Variants in DYM observed in about 807,000 individuals in gnomAD.
The protein encoded by DYM is dyggve-Melchior-Clausen syndrome protein.
DYM carries 78 observed loss-of-function variants against 93.1 expected under a neutral mutation model. That is an observed-to-expected ratio of 0.84 (90% CI 0.70 to 1.01). DYM has a LOEUF of 1.01. Among genes scored for constraint, DYM ranks in the 50% least tolerant of loss-of-function variants. The pLI is 0.00. For synonymous variants in DYM, 321 were observed against 319.7 expected (o/e 1.00, Z -0.04); for missense variants, 789 against 845.0 (o/e 0.93, Z 0.82).
intron 8 of DYM, among the ~76,000 whole-genome samples, chr18:49,323,735 C>G (rs1196398267): frequency 6.6e-6 from 1 of 152,222 alleles, no homozygotes; most frequent in Non-Finnish European, 1.5e-5. Flanking sequence ...GTTCAAGACA[C>G]CCAGCCTACG....
At chr18:49,369,015 C>T (rs749869634) in intron 5 of DYM, among the ~76,000 whole-genome samples, 1 of 152,240 alleles carries the variant, frequency 6.6e-6, no homozygotes. Flanking sequence ...TGACTGAAAG[C>T]GCGGTGTGCA....
At chr18:49,240,124 T>C (rs2093975344) in intron 13 of DYM, among the ~76,000 whole-genome samples, 1 of 152,218 alleles carries the variant, frequency 6.6e-6, no homozygotes, top group South Asian at 2.1e-4. Context: ...TAGTTAAATA[T>C]TGATTATACT....
intron 14 of DYM, among the ~76,000 whole-genome samples, chr18:49,205,154 G>T (rs891112034): frequency 6.6e-6 from 1 of 152,074 alleles, no homozygotes; most frequent in Non-Finnish European, 1.5e-5. Flanking sequence ...TAGAGACAGG[G>T]TTTCACCATG....
intron 11 of DYM, among the ~76,000 whole-genome samples, chr18:49,265,612 C>T (rs1171717706): frequency 1.3e-5 from 2 of 151,936 alleles, no homozygotes; most frequent in Admixed American, 6.6e-5. Context: ...AACCCTGTCT[C>T]TACTTAAAAT....
chr18:49,319,066 A>T (rs2062257361), intron 8 of DYM, among the ~76,000 whole-genome samples: 2 of 152,084 alleles, frequency 1.3e-5, no homozygotes, highest in African/African-American at 4.8e-5. Flanking sequence ...CGGCCTCCCA[A>T]AGTGCTGGGA....
chr18:49,275,703 C>CCTATAT (rs2094832500), intron 10 of DYM, among the ~76,000 whole-genome samples: 1 of 151,866 alleles, frequency 6.6e-6, no homozygotes, highest in Admixed American at 6.6e-5. Flanking sequence ...ATAGCAAGAC[C>CCTATAT]CTATCTCTAT....
chr18:49,267,900 C>T (rs979407023), intron 11 of DYM, among the ~76,000 whole-genome samples: 4 of 151,396 alleles, frequency 2.6e-5, no homozygotes, highest in East Asian at 1.9e-4. Context: ...GTGTCTCAAA[C>T]AAACAAACAA....
intron 9 of DYM, among the ~76,000 whole-genome samples, chr18:49,282,683 T>G (rs1052949540): frequency 6.6e-6 from 1 of 152,166 alleles, no homozygotes; most frequent in Non-Finnish European, 1.5e-5. Flanking sequence ...TGTTACTATT[T>G]TCCCATTAAC....
At chr18:49,337,848 A>C (rs2063786038) in intron 6 of DYM, among the ~76,000 whole-genome samples, 1 of 152,190 alleles carries the variant, frequency 6.6e-6, no homozygotes, top group African/African-American at 2.4e-5. Context: ...CAGACGAAGA[A>C]CAAGAAGAAG....
At chr18:49,093,841 G>A (rs1030749597) in intron 17 of DYM, among the ~76,000 whole-genome samples, 1 of 152,124 alleles carries the variant, frequency 6.6e-6, no homozygotes, top group Non-Finnish European at 1.5e-5. Flanking sequence ...GGAGCAAAGT[G>A]AAAGGTTTTA....
intron 13 of DYM, among the ~76,000 whole-genome samples, chr18:49,232,272 G>GA (rs1374659947): frequency 1.3e-5 from 2 of 151,350 alleles, no homozygotes; most frequent in East Asian, 3.9e-4. Flanking sequence ...AATTCTACTT[G>GA]ATTGAAACAG....
intron 2 of DYM, among the ~76,000 whole-genome samples, chr18:49,412,451 G>A (rs2072379550): frequency 6.6e-6 from 1 of 151,994 alleles, no homozygotes; most frequent in South Asian, 2.1e-4. Flanking sequence ...TGAAAGAATG[G>A]GAAATAAAGG....
At chr18:49,325,139 C>T (rs577938036) in intron 8 of DYM, among the ~76,000 whole-genome samples, 1 of 152,226 alleles carries the variant, frequency 6.6e-6, no homozygotes, top group East Asian at 1.9e-4. Flanking sequence ...CAGGCACCTC[C>T]CACCACCAGG....
chr18:49,265,946 T>C (rs1190401632), intron 11 of DYM, among the ~76,000 whole-genome samples: 1 of 151,972 alleles, frequency 6.6e-6, no homozygotes, highest in Non-Finnish European at 1.5e-5. Context: ...TTAGGCAATT[T>C]TGGCAATTTG....
intron 11 of DYM, among the ~76,000 whole-genome samples, chr18:49,265,064 G>A (rs2094548287): frequency 6.6e-6 from 1 of 152,200 alleles, no homozygotes; most frequent in Non-Finnish European, 1.5e-5. Context: ...TCAAGCCTAT[G>A]TGGGAGTGGA....
intron 15 of DYM, among the ~76,000 whole-genome samples, chr18:49,158,848 A>G (rs1162469325): frequency 1.3e-5 from 2 of 152,196 alleles, no homozygotes; most frequent in Admixed American, 6.5e-5. Context: ...ATAGCACAAC[A>G]GGGTGATTAC....
intron 1 of DYM, among the ~76,000 whole-genome samples, chr18:49,449,464 T>C (rs2082351068): frequency 6.6e-6 from 1 of 152,174 alleles, no homozygotes; most frequent in Admixed American, 6.5e-5. Flanking sequence ...TCTATGGTGT[T>C]TTTCCTTCTT....
chr18:49,413,239 C>T (rs1022406133), intron 2 of DYM: 5 of 152,178 alleles, frequency 3.3e-5, no homozygotes, highest in Admixed American at 2.6e-4. Context: ...TAAATCTGGT[C>T]CTTACTTGCT....
intron 16 of DYM, among the ~76,000 whole-genome samples, chr18:49,106,739 T>C (rs959525704): frequency 5.6e-4 from 86 of 152,344 alleles, no homozygotes; most frequent in Non-Finnish European, 1.0e-3. Flanking sequence ...TGGCCCCCAC[T>C]CTCTTCTGGC....
Sources: allele counts gnomAD v4.1 joint callset (sites outside exome capture counted in the v4.1 genomes callset), GRCh38; gene constraint gnomAD v4.1.1; transcripts MANE v1.5; gene names NCBI Gene and HGNC (gene_info 2026-07-23, HGNC 2026-07-21).